Variants in RALGPS1 observed in about 807,000 individuals in gnomAD.
The protein encoded by RALGPS1 is ras-specific guanine nucleotide-releasing factor RalGPS1.
A neutral mutation model predicts 78.8 loss-of-function variants in RALGPS1; 19 were observed. The observed-to-expected ratio is 0.24, with a 90% CI of 0.17 to 0.35. The LOEUF (loss-of-function observed/expected upper bound fraction) is 0.35, where lower values mean the gene tolerates loss of function less well. Among genes scored for constraint, RALGPS1 ranks in the 10% least tolerant of loss-of-function variants. The pLI is 1.00. For synonymous variants in RALGPS1, 228 were observed against 256.3 expected (o/e 0.89, Z 1.06); for missense variants, 454 against 688.3 (o/e 0.66, Z 3.81).
intron 10 of RALGPS1, among the ~76,000 whole-genome samples, chr9:127,173,600 A>G (rs1161472539): frequency 6.6e-6 from 1 of 152,172 alleles, no homozygotes; most frequent in Non-Finnish European, 1.5e-5. Context: ...TTTCACCCAG[A>G]AGTTCCTATT....
intron 8 of RALGPS1, among the ~76,000 whole-genome samples, chr9:127,151,728 G>A (rs2058434433): frequency 6.6e-6 from 1 of 152,020 alleles, no homozygotes. Flanking sequence ...TTTCTTTCCT[G>A]GAACCTAATA....
At chr9:127,059,658 G>T (rs761060038) in intron 7 of RALGPS1, among the ~76,000 whole-genome samples, 35 of 151,980 alleles carry the variant, frequency 2.3e-4, no homozygotes, top group Non-Finnish European at 4.1e-4. Context: ...CTGTACCCCA[G>T]TGATGGCTGG....
intron 14 of RALGPS1, among the ~76,000 whole-genome samples, chr9:127,207,677 G>T (rs1288971321): frequency 2.0e-5 from 3 of 152,194 alleles, no homozygotes; most frequent in Non-Finnish European, 4.4e-5. Flanking sequence ...GCTCCTCTAT[G>T]CTGATGCTGG....
intron 4 of RALGPS1, among the ~76,000 whole-genome samples, chr9:127,030,288 A>G (rs981129922): frequency 1.3e-5 from 2 of 152,226 alleles, no homozygotes; most frequent in Admixed American, 1.3e-4. Flanking sequence ...AGGGAGAAAT[A>G]TAGAAGAATG....
chr9:126,958,185 A>G (rs1045083296), intron 1 of RALGPS1, among the ~76,000 whole-genome samples: 1 of 147,616 alleles, frequency 6.8e-6, no homozygotes, highest in Non-Finnish European at 1.5e-5. Context: ...ATATATGTGT[A>G]TATATATGAA....
chr9:126,990,593 G>A (rs2042195744), intron 4 of RALGPS1, among the ~76,000 whole-genome samples: 1 of 152,222 alleles, frequency 6.6e-6, no homozygotes, highest in Admixed American at 6.5e-5. Flanking sequence ...CTCCGCACAG[G>A]TTGTGCCCTC....
chr9:127,208,878 T>C (rs998812316), intron 14 of RALGPS1, among the ~76,000 whole-genome samples: 3 of 152,156 alleles, frequency 2.0e-5, no homozygotes, highest in African/African-American at 7.2e-5. Flanking sequence ...GGGAAGAAGG[T>C]AGCCACGCTG....
At chr9:126,929,813 A>G (rs188133101) in intron 1 of RALGPS1, among the ~76,000 whole-genome samples, 15 of 151,808 alleles carry the variant, frequency 9.9e-5, no homozygotes, top group Admixed American at 6.6e-4. Flanking sequence ...TTTAGTGGAT[A>G]GACATTGAGG....
At chr9:127,196,670 T>C (rs771705286) in intron 13 of RALGPS1, 39 bp downstream of exon 13, 7 of 1,538,480 alleles carry the variant, frequency 4.5e-6, no homozygotes, top group Non-Finnish European at 6.1e-6. Context: ...GCTGGTGGGC[T>C]GTAGGCCCAG....
At chr9:126,919,962 C>T (rs1384218811) in intron 1 of RALGPS1, among the ~76,000 whole-genome samples, 2 of 152,128 alleles carry the variant, frequency 1.3e-5, no homozygotes, top group Non-Finnish European at 2.9e-5. Flanking sequence ...TCAAATTTTC[C>T]CTCCTTTGTG....
intron 3 of RALGPS1, among the ~76,000 whole-genome samples, chr9:126,968,705 C>G (rs72764335): frequency 3.9e-5 from 6 of 152,322 alleles, no homozygotes; most frequent in Non-Finnish European, 8.8e-5. Context: ...CACTGTAGAC[C>G]AGTGATTTCC....
intron 10 of RALGPS1, among the ~76,000 whole-genome samples, chr9:127,174,200 A>G (rs2059714033): frequency 2.6e-5 from 4 of 151,758 alleles, no homozygotes; most frequent in African/African-American, 4.8e-5. Flanking sequence ...GCCTGGCGAC[A>G]GAGCAAGACT....
intron 4 of RALGPS1, among the ~76,000 whole-genome samples, chr9:127,004,841 G>A (rs1254911509): frequency 2.0e-5 from 3 of 152,216 alleles, no homozygotes; most frequent in East Asian, 1.9e-4. Flanking sequence ...CAGAAGATAC[G>A]TAAGGGAGAG....
At chr9:127,000,036 T>C (rs143597069) in intron 4 of RALGPS1, among the ~76,000 whole-genome samples, 1 of 152,328 alleles carries the variant, frequency 6.6e-6, no homozygotes, top group African/African-American at 2.4e-5. Flanking sequence ...TTAATATCTA[T>C]AGGATCTGTC....
chr9:127,126,116 C>G (rs1233972095), intron 8 of RALGPS1, among the ~76,000 whole-genome samples: 2 of 152,034 alleles, frequency 1.3e-5, no homozygotes, highest in Non-Finnish European at 2.9e-5. Flanking sequence ...TCACACATCC[C>G]AAACTGACTC....
chr9:126,917,298 G>A (rs2034275937), intron 1 of RALGPS1, among the ~76,000 whole-genome samples: 1 of 152,176 alleles, frequency 6.6e-6, no homozygotes, highest in Non-Finnish European at 1.5e-5. Flanking sequence ...TGACCATCAT[G>A]CTCTTTGGGT....
intron 4 of RALGPS1, among the ~76,000 whole-genome samples, chr9:126,993,613 A>G (rs1394761200): frequency 6.6e-6 from 1 of 152,000 alleles, no homozygotes; most frequent in Non-Finnish European, 1.5e-5. Flanking sequence ...TCTGGTCTAC[A>G]GCTCTCAGCG....
intron 4 of RALGPS1, among the ~76,000 whole-genome samples, chr9:127,010,720 T>G (rs774666215): frequency 2.6e-5 from 4 of 152,212 alleles, no homozygotes; most frequent in Non-Finnish European, 4.4e-5. Context: ...AGTCAGGGAA[T>G]GAGTGATGGC....
At chr9:126,946,490 C>T (rs1000778848) in intron 1 of RALGPS1, among the ~76,000 whole-genome samples, 13 of 144,784 alleles carry the variant, frequency 9.0e-5, no homozygotes, top group Non-Finnish European at 1.3e-4. Flanking sequence ...GCTGAGGTTG[C>T]GCCACTGCAC....
Sources: gnomAD v4.1 joint callset for allele counts (sites outside exome capture counted in the v4.1 genomes callset) on GRCh38, gnomAD v4.1.1 for gene constraint, MANE v1.5 for transcripts, NCBI Gene and HGNC (gene_info 2026-07-23, HGNC 2026-07-21) for gene names.